The following CHRNA7 variants were observed in gnomAD, a reference collection of about 807,000 sequenced individuals.
CHRNA7 encodes the protein cholinergic receptor nicotinic alpha 7 subunit.
Under a neutral mutation model 48.0 loss-of-function variants are expected in CHRNA7, and 17 were observed. The observed-to-expected ratio is 0.35, with a 90% CI of 0.24 to 0.53. The LOEUF is 0.53. Among genes scored for constraint, CHRNA7 ranks in the 20% least tolerant of loss-of-function variants. The pLI, the probability that CHRNA7 is intolerant of heterozygous loss-of-function variation, is 0.92. For missense variants in CHRNA7, 155 were observed against 577.7 expected, an observed-to-expected ratio of 0.27 and a Z score of 7.50; for synonymous variants, 75 against 242.3, an observed-to-expected ratio of 0.31 and a Z score of 6.41.
intron 2 of CHRNA7, among the ~76,000 whole-genome samples, chr15:32,097,749 C>T (rs942642692): frequency 6.6e-6 from 1 of 152,176 alleles, no homozygotes; most frequent in Admixed American, 6.5e-5. Context: ...GCCTCTGGGC[C>T]AGGGTTGGAT....
At chr15:32,047,764 T>C (rs981342724) in intron 2 of CHRNA7, among the ~76,000 whole-genome samples, 8 of 152,248 alleles carry the variant, frequency 5.3e-5, no homozygotes, top group African/African-American at 1.9e-4. Flanking sequence ...TCAAAGGGAA[T>C]GCTTCCAGTT....
chr15:32,073,192 G>T (rs1171911158), intron 2 of CHRNA7, among the ~76,000 whole-genome samples: 2 of 152,234 alleles, frequency 1.3e-5, no homozygotes, highest in Non-Finnish European at 2.9e-5. Context: ...TCACAACAGT[G>T]TACCCAGGAT....
intron 2 of CHRNA7, among the ~76,000 whole-genome samples, chr15:32,063,486 CTG>C (rs566488767): frequency 1.3e-5 from 2 of 152,198 alleles, no homozygotes; most frequent in Non-Finnish European, 2.9e-5. Context: ...TCTTCTGTCT[CTG>C]TGGAGACCAG....
chr15:32,090,460 C>T (rs889977331), intron 2 of CHRNA7, among the ~76,000 whole-genome samples: 2 of 152,198 alleles, frequency 1.3e-5, no homozygotes, highest in African/African-American at 4.8e-5. Flanking sequence ...TGCTGGTTCA[C>T]ACTCAGCAAC....
At chr15:32,132,157 TG>T (rs1208436192) in intron 4 of CHRNA7, among the ~76,000 whole-genome samples, 3 of 152,154 alleles carry the variant, frequency 2.0e-5, no homozygotes, top group Non-Finnish European at 2.9e-5. Flanking sequence ...GGTGTTTCCC[TG>T]GGGCAGCGCT....
chr15:32,084,972 A>G (rs572149414), intron 2 of CHRNA7, among the ~76,000 whole-genome samples: 2 of 152,160 alleles, frequency 1.3e-5, no homozygotes, highest in East Asian at 3.9e-4. Flanking sequence ...AGCTGGGATT[A>G]CAGGCACCCA....
At position 32,158,301 on chromosome 15, in the gene CHRNA7, T is replaced by TA. The variant is rs1159453656; in HGVS notation, c.599-110dup. 6.9e-3 allele frequency: 4,260 copies of TA among 617,890 alleles called. 15 individuals are homozygous for TA. The highest frequency in any genetic ancestry group is 0.015 in the South Asian group (438 of 29,806). 38.3% of individuals were successfully genotyped at this position (617,890 alleles called of 1,614,324 possible). ...TTACAACCCCCCCCTTTTTTTTTTT[T>TA]AGCACTTTGCAAACTTTAGGACTGT... On this transcript the variant is annotated intron_variant, in intron 6 of 9. Transcript: ENST00000306901.
chr15:32,064,931 A>G (rs2049941110), intron 2 of CHRNA7, among the ~76,000 whole-genome samples: 1 of 152,230 alleles, frequency 6.6e-6, no homozygotes, highest in Non-Finnish European at 1.5e-5. Flanking sequence ...AATATGCAAC[A>G]GAGCCTATGA....
chr15:32,110,084 AAT>A (rs2050738634), intron 3 of CHRNA7, among the ~76,000 whole-genome samples: 1 of 152,166 alleles, frequency 6.6e-6, no homozygotes, highest in Non-Finnish European at 1.5e-5. Flanking sequence ...GTGTGGTAAT[AAT>A]GGTGAACGTG....
chr15:32,148,020 C>T (rs958420638), intron 4 of CHRNA7, among the ~76,000 whole-genome samples: 10 of 152,194 alleles, frequency 6.6e-5, no homozygotes, highest in African/African-American at 2.4e-4. Context: ...TTCCTCCTCC[C>T]TTCCTTTTTG....
At chr15:32,031,293 G>T (rs970383798) in intron 2 of CHRNA7, among the ~76,000 whole-genome samples, 8 of 152,262 alleles carry the variant, frequency 5.3e-5, no homozygotes, top group South Asian at 4.2e-4. Context: ...TGGTTACTTG[G>T]GTCCCACCTT....
At chr15:32,106,198 G>A (rs982498299) in intron 3 of CHRNA7, among the ~76,000 whole-genome samples, 19 of 152,292 alleles carry the variant, frequency 1.2e-4, no homozygotes, top group South Asian at 4.1e-4. Flanking sequence ...TGAGGGGGGT[G>A]CAAATGTGGG....
At chr15:32,115,836 G>A (rs1270735943) in intron 4 of CHRNA7, among the ~76,000 whole-genome samples, 1 of 152,128 alleles carries the variant, frequency 6.6e-6, no homozygotes, top group African/African-American at 2.4e-5. Context: ...GAGCGAAGAA[G>A]ATGGATCAGT....
At chr15:32,041,574 C>A (rs906730948) in intron 2 of CHRNA7, among the ~76,000 whole-genome samples, 1 of 152,234 alleles carries the variant, frequency 6.6e-6, no homozygotes, top group Admixed American at 6.5e-5. Context: ...CAGGTACTGG[C>A]CTGTGGCCTG....
chr15:32,114,921 T>C (rs954357627), intron 4 of CHRNA7, among the ~76,000 whole-genome samples: 4 of 152,202 alleles, frequency 2.6e-5, no homozygotes, highest in Non-Finnish European at 5.9e-5. Context: ...TGGGCTGAGC[T>C]GGTGGGGACG....
chr15:32,097,616 T>C (rs1566836160), intron 2 of CHRNA7, among the ~76,000 whole-genome samples: 1 of 152,200 alleles, frequency 6.6e-6, no homozygotes, highest in Non-Finnish European at 1.5e-5. Context: ...ACCCAGTGTA[T>C]GATATTTTGT....
Position 32,084,469 on chromosome 15 carries a change from A to G in CHRNA7, c.196-16834A>G, listed in dbSNP as rs531746913. Among the ~76,000 whole-genome samples the G allele has an allele frequency of 3.3e-5, 5 of 152,342 alleles. No individual in the cohort carries two copies. The East Asian group carries it at 5.8e-4, about 18-fold the overall frequency. The stretch of plus-strand genomic sequence containing the variant: ...GCATGAGCACATACAGTCTCAGAAC[A>G]TGCACTTTGGGCAAAGAGCAGAGCC... On this transcript the variant is annotated intron_variant, in intron 2 of 9. Transcript: ENST00000306901.
chr15:32,134,898 G>C (rs887711947), intron 4 of CHRNA7, among the ~76,000 whole-genome samples: 2 of 152,238 alleles, frequency 1.3e-5, no homozygotes, highest in African/African-American at 4.8e-5. Context: ...GCAGTTTCCT[G>C]CGTGAATCAT....
intron 2 of CHRNA7, among the ~76,000 whole-genome samples, chr15:32,060,838 C>T (rs979085465): frequency 6.6e-6 from 1 of 152,122 alleles, no homozygotes; most frequent in African/African-American, 2.4e-5. Flanking sequence ...CCATCTGCGG[C>T]GGGAGGGCGT....
Sources: allele counts gnomAD v4.1 joint callset (sites outside exome capture counted in the v4.1 genomes callset), GRCh38; gene constraint gnomAD v4.1.1; transcripts MANE v1.5; gene names NCBI Gene and HGNC (gene_info 2026-07-23, HGNC 2026-07-21).